Variants in OAS1 observed in about 807,000 individuals in gnomAD.
OAS1 encodes 2'-5'-oligoadenylate synthase 1.
OAS1 carries 24 observed loss-of-function variants against 38.5 expected under a neutral mutation model. That is an observed-to-expected ratio of 0.62 (90% CI 0.45 to 0.88). The LOEUF is 0.88. Among genes scored for constraint, OAS1 ranks in the 40% least tolerant of loss-of-function variants. The probability of loss-of-function intolerance (pLI) is 0.00; values close to 1 mark genes in which losing one functional copy is unlikely to be tolerated. For synonymous variants in OAS1, 169 were observed against 193.9 expected (o/e 0.87, Z 1.07); for missense variants, 482 against 493.9 (o/e 0.98, Z 0.23).
intron 2 of OAS1, among the ~76,000 whole-genome samples, chr12:112,909,707 A>G (rs761576444): frequency 1.5e-4 from 23 of 152,204 alleles, no homozygotes; most frequent in Admixed American, 6.5e-4. Context: ...TGAATTTCCC[A>G]GCTGTATATG....
At chr12:112,909,601 G>T (rs2043348077) in intron 2 of OAS1, among the ~76,000 whole-genome samples, 1 of 152,158 alleles carries the variant, frequency 6.6e-6, no homozygotes. Context: ...AGGATTCGAG[G>T]TGTCAGTGAG....
Position 112,911,121 on chromosome 12 carries a change from G to T in OAS1, c.540G>T (p.Leu180=), listed in dbSNP as rs1399069671. The change falls in exon 3 of 6, where the codon CTG becomes CTT. Residue 180 remains leucine (L), a synonymous_variant. Coordinates refer to ENST00000202917, the MANE Select transcript of OAS1 (RefSeq NM_016816.4). ...YVKLIEECTD[L]QKEGEFSTCF... is the part of the protein sequence containing the mutation. ...AGCTCATCGAGGAGTGCACCGACCTGCAGAAAGAGGGCGAGTTCTCCACCT... is the reference window on the plus strand; with the variant it reads ...AGCTCATCGAGGAGTGCACCGACCTTCAGAAAGAGGGCGAGTTCTCCACCT... 1.2e-6 allele frequency: 2 copies of T among 1,613,938 alleles called. No homozygotes were observed. Among genetic ancestry groups the T allele is most frequent in the Non-Finnish European group, 1.7e-6 (2 of 1,179,958 alleles).
At chr12:112,924,597 T>C (rs567051032), downstream of OAS1, among the ~76,000 whole-genome samples, 1 of 152,246 alleles carries the variant, frequency 6.6e-6, no homozygotes, top group Non-Finnish European at 1.5e-5. Context: ...TTCATGGTTT[T>C]TGTCATATGT....
chr12:112,907,264 C>T, intron 1 of OAS1, 45 bp downstream of exon 1: 5 of 1,577,358 alleles, frequency 3.2e-6, no homozygotes, highest in Non-Finnish European at 4.4e-6. Context: ...GCTGAATGTG[C>T]AAGAGTTGAG....
At chr12:112,923,994 G>A (rs146415089), downstream of OAS1, among the ~76,000 whole-genome samples, 4 of 152,326 alleles carry the variant, frequency 2.6e-5, no homozygotes, top group East Asian at 5.8e-4. Flanking sequence ...CATGACATTG[G>A]TCTTTCCAGT....
rs200307293 is a variant in OAS1 at position 112,908,784 on chromosome 12, G to C, written c.429G>C (p.Glu143Asp). The change falls in exon 2 of 6, where the codon GAG becomes GAC. Residue 143 changes from glutamate to aspartate, a missense_variant. Physicochemically the swap from Glu to Asp is conservative, Grantham distance 45. Transcript: ENST00000202917. ...TACTGAGTTCGCTCCAGCTCGGGGA[G>C]GGGGTGGAGTTCGATGTGCTGCCTG... ...SFVLSSLQLG[E>D]GVEFDVLPAF... 1.2e-5 allele frequency: 19 copies of C among 1,608,754 alleles called. No individual in the cohort carries two copies. The highest frequency in any genetic ancestry group is 3.3e-5 in the Admixed American group (2 of 59,852).
At chr12:112,918,723 C>T (rs987497232) in intron 5 of OAS1, 2 of 445,412 alleles carry the variant, frequency 4.5e-6, no homozygotes, top group Non-Finnish European at 9.0e-6. Flanking sequence ...AACAGCCTGC[C>T]TTGTCACATC....
chr12:112,921,106 A>G (rs2043525952), downstream of OAS1, among the ~76,000 whole-genome samples: 1 of 152,224 alleles, frequency 6.6e-6, no homozygotes, highest in Admixed American at 6.5e-5. Context: ...GCTCAACCTG[A>G]GCACAGATTC....
chr12:112,930,164 A>G (rs75747186), intron 6 of OAS1, among the ~76,000 whole-genome samples: 4 of 152,126 alleles, frequency 2.6e-5, no homozygotes, highest in African/African-American at 9.7e-5. Flanking sequence ...CTTTCGCCAC[A>G]TGATATGCCT....
intron 6 of OAS1, among the ~76,000 whole-genome samples, chr12:112,926,265 A>G (rs2043557341): frequency 6.6e-6 from 1 of 152,158 alleles, no homozygotes; most frequent in African/African-American, 2.4e-5. Context: ...GCAATTACAG[A>G]GGCATGAACA....
chr12:112,924,582 G>C (rs2043547957), downstream of OAS1, among the ~76,000 whole-genome samples: 1 of 151,948 alleles, frequency 6.6e-6, no homozygotes, highest in African/African-American at 2.4e-5. Flanking sequence ...TCCCTGCAGA[G>C]GTCTTTCATG....
In OAS1 at chr12:112,919,336, C is replaced by T. The variant is rs2043507976; in HGVS notation, c.1039-53C>T. 2.0e-6 allele frequency: 3 copies of T among 1,506,866 alleles called. No homozygotes were observed. In the East Asian group the frequency reaches 6.8e-5, roughly 34 times the overall value. 93.3% of individuals were successfully genotyped at this position (1,506,866 alleles called of 1,614,324 possible). A position where few individuals can be genotyped will look rare whatever the true frequency, so the allele number is the denominator to read the frequency against. ...GTCTACCGTAAATGCTCACTGAATC[C>T]AGCTGCAATGCAGGAAGACTCCCTG... On this transcript the variant is annotated intron_variant, in intron 5 of 5. Coordinates refer to ENST00000202917, the MANE Select transcript of OAS1 (RefSeq NM_016816.4).
exon 7 of OAS1, chr12:112,932,053 C>T (rs1274867400): frequency 1.6e-6 from 1 of 635,572 alleles, no homozygotes; most frequent in Non-Finnish European, 2.8e-6. Flanking sequence ...AAATTAATTG[C>T]AACCCAACCT....
downstream of OAS1, among the ~76,000 whole-genome samples, chr12:112,921,489 T>C (rs1040562777): frequency 8.5e-5 from 13 of 152,222 alleles, no homozygotes; most frequent in Admixed American, 1.3e-4. Flanking sequence ...GCCTTCCATC[T>C]ACAACAGGAC....
chr12:112,910,491 G>T (rs557734908), intron 2 of OAS1, among the ~76,000 whole-genome samples: 109 of 152,292 alleles, frequency 7.2e-4, no homozygotes, highest in African/African-American at 2.6e-3. Context: ...GGTCGTGAGG[G>T]AGGGTCCCTG....
intron 6 of OAS1, among the ~76,000 whole-genome samples, chr12:112,928,081 A>G (rs1315692870): frequency 6.6e-6 from 1 of 152,214 alleles, no homozygotes; most frequent in African/African-American, 2.4e-5. Context: ...GCCTAGTGCC[A>G]GGATCTTTAG....
downstream of OAS1, among the ~76,000 whole-genome samples, chr12:112,924,540 T>C (rs1343428741): frequency 6.6e-6 from 1 of 152,086 alleles, no homozygotes; most frequent in African/African-American, 2.4e-5. Context: ...ATTTTTGTCC[T>C]CTTTAGTGAC....
intron 6 of OAS1, among the ~76,000 whole-genome samples, chr12:112,930,508 C>A (rs1443171525): frequency 3.3e-5 from 5 of 152,160 alleles, no homozygotes; most frequent in African/African-American, 1.2e-4. Context: ...GGGACACACC[C>A]TAGGGAGCTG....
intron 6 of OAS1, among the ~76,000 whole-genome samples, chr12:112,930,381 T>G (rs552030795): frequency 8.3e-4 from 127 of 152,366 alleles, no homozygotes; most frequent in Non-Finnish European, 1.6e-3. Flanking sequence ...TCAAGTGACC[T>G]GCCCAAGGGC....
Sources: gnomAD v4.1 joint callset for allele counts (sites outside exome capture counted in the v4.1 genomes callset) on GRCh38, gnomAD v4.1.1 for gene constraint, MANE v1.5 for transcripts, NCBI Gene and HGNC (gene_info 2026-07-23, HGNC 2026-07-21) for gene names.